CDH19: variants seen among roughly 807,000 people sequenced by gnomAD.
The protein encoded by CDH19 is cadherin 19.
A neutral mutation model predicts 64.2 loss-of-function variants in CDH19; 67 were observed. The ratio of observed to expected loss-of-function variants is 1.04; its 90% CI spans 0.86 to 1.28. The LOEUF (loss-of-function observed/expected upper bound fraction) is 1.28. Ranked by LOEUF, CDH19 falls within the 50% of genes most tolerant of loss-of-function variation. The pLI, the probability that CDH19 is intolerant of heterozygous loss-of-function variation, is 0.00. For synonymous variants in CDH19, 346 were observed against 319.3 expected, an observed-to-expected ratio of 1.08 and a Z score of -0.89; for missense variants, 1,030 against 929.0, an observed-to-expected ratio of 1.11 and a Z score of -1.41.
At chr18:66,577,441 G>C (rs367941433) in intron 1 of CDH19, among the ~76,000 whole-genome samples, 1 of 151,858 alleles carries the variant, frequency 6.6e-6, no homozygotes, top group African/African-American at 2.4e-5. Context: ...GTGATCAATT[G>C]ATTTTTGAAA....
At position 66,555,722 on chromosome 18, in the gene CDH19, A is replaced by G. The variant is rs1181331963; in HGVS notation, c.491-1198T>C. Among the ~76,000 whole-genome samples the G allele has an allele frequency of 2.6e-5, 4 of 151,750 alleles. No homozygotes were observed. In the East Asian group the frequency reaches 7.7e-4, roughly 29 times the overall value. On this transcript the variant is annotated intron_variant, in intron 3 of 11. Coordinates refer to ENST00000262150, the MANE Select transcript of CDH19 (RefSeq NM_021153.4). ...TGTTTTAAAGTGAATTTATTTAGTA[A>G]TTTGTGAAAGTTTTTCCAACAAAAT...
At chr18:66,514,773 A>G (rs17076411) in intron 9 of CDH19, among the ~76,000 whole-genome samples, 24,033 of 151,446 alleles carry the variant, frequency 0.16, 1,986 homozygotes, top group Admixed American at 0.18. Context: ...GTTTACTAAG[A>G]TATCATTCCA....
intron 1 of CDH19, among the ~76,000 whole-genome samples, chr18:66,595,505 C>T (rs1183357146): frequency 7.5e-6 from 1 of 133,560 alleles, no homozygotes; most frequent in Non-Finnish European, 1.6e-5. Flanking sequence ...TTACCACCGG[C>T]CCCACAGAAA....
Position 66,532,668 on chromosome 18 carries a change from A to ATC in CDH19, c.1336+2316_1336+2317dup, listed in dbSNP as rs1444591664. 1.4e-5 allele frequency: 6 copies of ATC among 441,730 alleles called. No individual in the cohort carries two copies. The Middle Eastern group carries it at 9.8e-4, about 72-fold the overall frequency. The allele number at this position is 441,730 out of a possible 1,614,324, so 27.4% of individuals were successfully genotyped here. ...TTGTATTTATCAAGTAATGGTGACC[A>ATC]TCTCTTTGAAATGTAATCTTCAAGG... On this transcript the variant is annotated intron_variant, in intron 8 of 11. Transcript: ENST00000262150.
chr18:66,570,132 G>C (rs1452016601), intron 2 of CDH19, among the ~76,000 whole-genome samples: 1 of 151,484 alleles, frequency 6.6e-6, no homozygotes, highest in Non-Finnish European at 1.5e-5. Flanking sequence ...AATATATCAA[G>C]TGAGCAATGT....
At chr18:66,553,364 T>A (rs1987407943) in intron 4 of CDH19, among the ~76,000 whole-genome samples, 1 of 134,116 alleles carries the variant, frequency 7.5e-6, no homozygotes, top group Non-Finnish European at 1.5e-5. Flanking sequence ...TATAATAAAA[T>A]AATTTTTCTT....
intron 7 of CDH19, among the ~76,000 whole-genome samples, chr18:66,541,383 A>T (rs538791409): frequency 6.6e-6 from 1 of 152,244 alleles, no homozygotes; most frequent in South Asian, 2.1e-4. Flanking sequence ...CCATGCAGTG[A>T]GTATTAAAGA....
At chr18:66,509,454 A>G (rs62094754) in intron 10 of CDH19, among the ~76,000 whole-genome samples, 34,868 of 151,638 alleles carry the variant, frequency 0.23, 4,421 homozygotes, top group East Asian at 0.46. Flanking sequence ...TTATGTAATC[A>G]GATGAATTAT....
In CDH19 at chr18:66,558,986, T is replaced by G. The variant is rs78688455; in HGVS notation, c.491-4462A>C. Among the ~76,000 whole-genome samples the G allele has an allele frequency of 5.8e-3, 888 of 152,082 alleles. 11 individuals are homozygous for G. Among genetic ancestry groups the G allele is most frequent in the African/African-American group, 0.021 (860 of 41,518 alleles). On this transcript the variant is annotated intron_variant, in intron 3 of 11. Transcript: ENST00000262150. ...TAATTACTTCCGTTCATGTCCTGATTATTGTTTACTGTCAGAATCACTCCG... is the reference window on the plus strand; with the variant it reads ...TAATTACTTCCGTTCATGTCCTGATGATTGTTTACTGTCAGAATCACTCCG...
chr18:66,587,629 C>A (rs1460668581), intron 1 of CDH19, among the ~76,000 whole-genome samples: 1 of 152,132 alleles, frequency 6.6e-6, no homozygotes, highest in Non-Finnish European at 1.5e-5. Context: ...CATTTTCGAA[C>A]TGAAACACTG....
chr18:66,557,197 C>T (rs1987550547), intron 3 of CDH19, among the ~76,000 whole-genome samples: 1 of 151,854 alleles, frequency 6.6e-6, no homozygotes, highest in South Asian at 2.1e-4. Flanking sequence ...TATCTGATAC[C>T]AGTGTGTACT....
intron 3 of CDH19, among the ~76,000 whole-genome samples, chr18:66,564,804 G>A (rs887663958): frequency 2.0e-5 from 3 of 151,080 alleles, no homozygotes; most frequent in Admixed American, 6.6e-5. Flanking sequence ...TAAGTTACCC[G>A]ACTCTGCTTT....
chr18:66,538,961 T>C (rs1986784484), intron 7 of CDH19, among the ~76,000 whole-genome samples: 1 of 152,106 alleles, frequency 6.6e-6, no homozygotes, highest in Non-Finnish European at 1.5e-5. Flanking sequence ...CCACAATTAC[T>C]CTATTTCTTA....
intron 8 of CDH19, 138 bp downstream of exon 8, chr18:66,534,848 A>G (rs1450060693): frequency 2.1e-6 from 1 of 481,568 alleles, no homozygotes; most frequent in Non-Finnish European, 3.5e-6. Context: ...TAAAATACGC[A>G]AGTACACACA....
At chr18:66,511,430 T>A in intron 10 of CDH19, 138 bp downstream of exon 10, 1 of 536,006 alleles carries the variant, frequency 1.9e-6, no homozygotes, top group Non-Finnish European at 3.3e-6. Context: ...TTTTCCATTT[T>A]AATTGTTACT....
At position 66,537,200 on chromosome 18, in the gene CDH19, A is replaced by G. The variant is rs530926187; in HGVS notation, c.1215-2093T>C. Among the ~76,000 whole-genome samples the G allele has an allele frequency of 1.2e-4, 19 of 152,002 alleles. 1 individual carries two copies. In the South Asian group the frequency reaches 3.5e-3, roughly 28 times the overall value. ...ACTCATATTCTTCTTTTACAATCCA[A>G]TGTAGAATCCAATACGGCCTTTCAT... is the stretch of plus-strand genomic sequence containing the variant. On this transcript the variant is annotated intron_variant, in intron 7 of 11. Transcript: ENST00000262150.
chr18:66,556,545 T>C (rs1380642328), intron 3 of CDH19, among the ~76,000 whole-genome samples: 1 of 151,892 alleles, frequency 6.6e-6, no homozygotes, highest in Non-Finnish European at 1.5e-5. Flanking sequence ...CTGGCTTATT[T>C]CACTTAGCAT....
At chr18:66,539,271 T>C (rs1986795402) in intron 7 of CDH19, among the ~76,000 whole-genome samples, 2 of 152,154 alleles carry the variant, frequency 1.3e-5, no homozygotes, top group Admixed American at 6.5e-5. Context: ...TATTTCTTTT[T>C]CTCACTTACT....
chr18:66,558,152 A>C (rs2144535781), intron 3 of CDH19, among the ~76,000 whole-genome samples: 1 of 145,610 alleles, frequency 6.9e-6, no homozygotes, highest in Non-Finnish European at 1.5e-5. Flanking sequence ...CTAATCATAT[A>C]TCTTTATCTC....
Sources: allele counts gnomAD v4.1 joint callset (sites outside exome capture counted in the v4.1 genomes callset), GRCh38; gene constraint gnomAD v4.1.1; transcripts MANE v1.5; gene names NCBI Gene and HGNC (gene_info 2026-07-23, HGNC 2026-07-21).